The following EPHX1 variants were observed in gnomAD, a reference collection of about 807,000 sequenced individuals.
The protein encoded by EPHX1 is epoxide hydratase.
EPHX1 carries 40 observed loss-of-function variants against 43.2 expected under a neutral mutation model. That is an observed-to-expected ratio of 0.93 (90% CI 0.72 to 1.21). The LOEUF (loss-of-function observed/expected upper bound fraction) is 1.21. Ranked by LOEUF, EPHX1 falls within the 50% of genes most tolerant of loss-of-function variation. The pLI, the probability that EPHX1 is intolerant of heterozygous loss-of-function variation, is 0.00. For missense variants in EPHX1, 550 were observed against 570.4 expected (o/e 0.96, Z 0.36); for synonymous variants, 221 against 226.7 (o/e 0.98, Z 0.22).
chr1:225,812,803 C>T (rs1575971331), intron 1 of EPHX1, among the ~76,000 whole-genome samples: 1 of 152,156 alleles, frequency 6.6e-6, no homozygotes, highest in African/African-American at 2.4e-5. Flanking sequence ...AGCTCGAAGC[C>T]CACCCACTCG....
At position 225,820,917 on chromosome 1, in the gene EPHX1, T is replaced by C. The variant is rs116331176; in HGVS notation, c.-5-7808T>C. Reference sequence around the variant, plus strand: ...CAGTTACAGGGTTGTGTGTTAGTCCTGGTGCCTGCACAGTACCCAGCCAGT... The same window carrying C: ...CAGTTACAGGGTTGTGTGTTAGTCCCGGTGCCTGCACAGTACCCAGCCAGT... On this transcript the variant is annotated intron_variant, in intron 1 of 8. Coordinates refer to ENST00000272167, the MANE Select transcript of EPHX1 (RefSeq NM_001136018.4). Among the ~76,000 whole-genome samples the C allele has an allele frequency of 5.9e-3, 898 of 152,260 alleles. 12 individuals carry two copies. The highest frequency in any genetic ancestry group is 0.021 in the African/African-American group (853 of 41,550).
intron 3 of EPHX1, among the ~76,000 whole-genome samples, chr1:225,837,355 C>T (rs1410812115): frequency 2.0e-5 from 3 of 152,218 alleles, no homozygotes; most frequent in Non-Finnish European, 4.4e-5. Context: ...CTGTGAATGC[C>T]GTAAGGCCCC....
Position 225,817,104 on chromosome 1 carries a change from C to T in EPHX1, c.-6+6935C>T, listed in dbSNP as rs1261092125. On this transcript the variant is annotated intron_variant, in intron 1 of 8. Transcript: ENST00000272167. The surrounding 1 kb of genome is among the most constrained non-coding windows in gnomAD (Gnocchi z 5.7). ...CTGTTTTCCCAGGGCTTGGCTCCGG[C>T]GCTTGCACAGAGATAAACACGGCCA... is the stretch of plus-strand genomic sequence containing the variant. 1.3e-5 allele frequency among the ~76,000 whole-genome samples: 2 copies of T among 152,130 alleles called. No individual in the cohort carries two copies. Among genetic ancestry groups the T allele is most frequent in the African/African-American group, 4.8e-5 (2 of 41,422 alleles).
rs568237570 is a variant in EPHX1, at chr1:225,833,138, C to T, written c.364+1179C>T. Reference sequence around the variant, plus strand: ...CCTCCTGAATAGCTGGTACTATAGGCGAGCACCACTGTGCCCAGCTTGTTA... The same window carrying T: ...CCTCCTGAATAGCTGGTACTATAGGTGAGCACCACTGTGCCCAGCTTGTTA... On this transcript the variant is annotated intron_variant, in intron 3 of 8. Coordinates refer to ENST00000272167, the MANE Select transcript of EPHX1 (RefSeq NM_001136018.4). 4.6e-5 allele frequency among the ~76,000 whole-genome samples: 7 copies of T among 152,278 alleles called. No homozygotes were observed. In the East Asian group the frequency reaches 7.7e-4, roughly 17 times the overall value.
intron 7 of EPHX1, among the ~76,000 whole-genome samples, chr1:225,844,286 G>A (rs1426537731): frequency 6.6e-6 from 1 of 152,048 alleles, no homozygotes; most frequent in African/African-American, 2.4e-5. Context: ...GGACCTTGGG[G>A]TGATAAGAGA....
At chr1:225,832,125 T>C (rs907966643) in intron 3 of EPHX1, 166 bp downstream of exon 3, 5 of 730,112 alleles carry the variant, frequency 6.8e-6, no homozygotes, top group Non-Finnish European at 1.2e-5. Context: ...AATATTGCAG[T>C]CACAACAAAT....
chr1:225,814,846 A>C (rs1391347160), intron 1 of EPHX1, among the ~76,000 whole-genome samples: 8 of 152,356 alleles, frequency 5.3e-5, no homozygotes, highest in South Asian at 2.1e-4. Flanking sequence ...TTCTGCTAGA[A>C]CTGGTGAGAC....
At position 225,810,772 on chromosome 1, in the gene EPHX1, G is replaced by T. The variant is rs1472974098; in HGVS notation, c.-6+603G>T. Among the ~76,000 whole-genome samples the T allele has an allele frequency of 3.4e-5, 5 of 145,718 alleles. No homozygotes were observed. In the East Asian group the frequency reaches 1.1e-3, roughly 32 times the overall value. The stretch of plus-strand genomic sequence containing the variant: ...GTTCTCTGGCGGGCAGAGTGGGGGG[G>T]GTCACAAGGTGCTCAGTAGGGGAGC... On this transcript the variant is annotated intron_variant, in intron 1 of 8. Coordinates refer to ENST00000272167, the MANE Select transcript of EPHX1 (RefSeq NM_001136018.4).
chr1:225,818,277 T>C (rs1666817459), intron 1 of EPHX1, among the ~76,000 whole-genome samples: 1 of 152,218 alleles, frequency 6.6e-6, no homozygotes, highest in Non-Finnish European at 1.5e-5. Flanking sequence ...ATTAAGCTTC[T>C]ACTAGAATGC....
chr1:225,834,112 G>GCA (rs1667815509), intron 3 of EPHX1, among the ~76,000 whole-genome samples: 1 of 105,802 alleles, frequency 9.5e-6, no homozygotes, highest in African/African-American at 3.9e-5. Flanking sequence ...AAAAAAAAAA[G>GCA]AAAAAAAAAA....
At position 225,845,468 on chromosome 1, in the gene EPHX1, C is replaced by T; in HGVS notation, c.*121C>T. On this transcript the variant is annotated 3_prime_UTR_variant, in exon 9 of 9. Transcript: ENST00000272167. ...CCGTCCCCTGCCCATGCTGGGAGCC[C>T]ACGCTCACCCCCTCACCCCTCCAAG... The T allele has an allele frequency of 9.9e-7, 1 of 1,014,298 alleles. No homozygotes were observed. The allele number at this position is 1,014,298 out of a possible 1,614,324, so 62.8% of individuals were successfully genotyped here. A position where few individuals can be genotyped will look rare whatever the true frequency, so the allele number is the denominator to read the frequency against.
intron 1 of EPHX1, among the ~76,000 whole-genome samples, chr1:225,821,186 CTTTTAT>C: frequency 6.6e-6 from 1 of 152,114 alleles, no homozygotes; most frequent in East Asian, 1.9e-4. Flanking sequence ...AAAAAGCAAA[CTTTTAT>C]TTTTACCCCA....
At chr1:225,838,141 T>C (rs1668071077) in intron 3 of EPHX1, among the ~76,000 whole-genome samples, 1 of 152,222 alleles carries the variant, frequency 6.6e-6, no homozygotes, top group Non-Finnish European at 1.5e-5. Context: ...CTCCCAGCAA[T>C]ATCTTCTGAT....
intron 1 of EPHX1, among the ~76,000 whole-genome samples, chr1:225,826,683 G>A (rs1041331484): frequency 2.0e-5 from 3 of 152,168 alleles, no homozygotes; most frequent in African/African-American, 7.2e-5. Context: ...TTCCCAGGAC[G>A]AAGGCTGCAG....
chr1:225,812,784 T>C (rs1666546581), intron 1 of EPHX1, among the ~76,000 whole-genome samples: 1 of 152,158 alleles, frequency 6.6e-6, no homozygotes, highest in African/African-American at 2.4e-5. Context: ...TCACCCCTGC[T>C]GAAGAAGTAG....
At chr1:225,820,714 A>G (rs140909986) in intron 1 of EPHX1, among the ~76,000 whole-genome samples, 2,374 of 151,998 alleles carry the variant, frequency 0.016, 32 homozygotes, top group South Asian at 0.04. Context: ...GTAAACTCCT[A>G]TTCATACTTA....
intron 3 of EPHX1, among the ~76,000 whole-genome samples, chr1:225,834,014 C>T (rs1309000078): frequency 2.8e-5 from 4 of 145,436 alleles, no homozygotes; most frequent in Admixed American, 7.1e-5. Flanking sequence ...AGAAGAATAG[C>T]GTGAACCCGG....
intron 8 of EPHX1, 70 bp from the exon 9 acceptor site, chr1:225,845,075 AC>A: frequency 1.3e-6 from 2 of 1,540,354 alleles, no homozygotes; most frequent in Non-Finnish European, 9.0e-7. Context: ...AGGCGCTTTA[AC>A]CCCCTGCTGT....
chr1:225,834,665 TTACAG>T (rs1667859701), intron 3 of EPHX1, among the ~76,000 whole-genome samples: 1 of 152,054 alleles, frequency 6.6e-6, no homozygotes, highest in South Asian at 2.1e-4. Context: ...GCTGTATTCT[TTACAG>T]TAATTTGATA....
Sources: allele counts gnomAD v4.1 joint callset (sites outside exome capture counted in the v4.1 genomes callset), GRCh38; gene constraint gnomAD v4.1.1; non-coding constraint Gnocchi (gnomAD v3.1); transcripts MANE v1.5; gene names NCBI Gene and HGNC (gene_info 2026-07-23, HGNC 2026-07-21).